The following KAT2B variants were observed in gnomAD, a reference collection of about 807,000 sequenced individuals.
The protein encoded by KAT2B is histone acetyltransferase KAT2B.
Under a neutral mutation model 105.9 loss-of-function variants are expected in KAT2B, and 36 were observed. The ratio of observed to expected loss-of-function variants is 0.34; its 90% CI spans 0.26 to 0.45. The LOEUF is 0.45. Ranked by LOEUF, KAT2B falls within the 20% of genes least tolerant of loss-of-function variation. The pLI is 1.00. For synonymous variants in KAT2B, 397 were observed against 377.9 expected (o/e 1.05, Z -0.59); for missense variants, 820 against 1,021.6 (o/e 0.80, Z 2.69).
rs1231322957 is a variant in KAT2B, at chr3:20,126,061, C to T, written c.1570C>T (p.His524Tyr). 6.2e-7 allele frequency: 1 copy of T among 1,613,660 alleles called. No individual in the cohort carries two copies. Among genetic ancestry groups the T allele is most frequent in the East Asian group, 2.2e-5 (1 of 44,854 alleles). The stretch of plus-strand genomic sequence containing the variant: ...GGTTGGCCTACAGAACGTTTTCTCC[C>T]ACCAGCTGCCCCGAATGCCAAAAGA... ...WLVGLQNVFS[H>Y]QLPRMPKEYI... The change falls in exon 10 of 18, where the codon CAC (histidine) becomes TAC (tyrosine). Residue 524 changes from histidine to tyrosine, a missense_variant. His to Tyr is a moderately conservative substitution (Grantham distance 83). Coordinates refer to ENST00000263754, the MANE Select transcript of KAT2B (RefSeq NM_003884.5).
At chr3:20,098,157 G>A (rs1436587161) in intron 3 of KAT2B, among the ~76,000 whole-genome samples, 2 of 151,722 alleles carry the variant, frequency 1.3e-5, no homozygotes, top group Non-Finnish European at 2.9e-5. Flanking sequence ...TTGAGTCCGG[G>A]ATGCAGAGGT....
intron 1 of KAT2B, among the ~76,000 whole-genome samples, chr3:20,043,187 G>T (rs1697749295): frequency 6.6e-6 from 1 of 152,180 alleles, no homozygotes; most frequent in African/African-American, 2.4e-5. Context: ...TATAGGCATG[G>T]GCCACCATGC....
At position 20,066,457 on chromosome 3, in the gene KAT2B, G is replaced by A. The variant is rs188307148; in HGVS notation, c.304-5876G>A. 3.1e-4 allele frequency among the ~76,000 whole-genome samples: 47 copies of A among 152,216 alleles called. No homozygotes were observed. The East Asian group carries it at 8.5e-3, about 27-fold the overall frequency. On this transcript the variant is annotated intron_variant, in intron 1 of 17. Coordinates refer to ENST00000263754, the MANE Select transcript of KAT2B (RefSeq NM_003884.5). ...CTCTGTCACCTAGCTGGAGTGCAGT[G>A]GTGCCATCTCAGCTTACTGCAACTT...
At position 20,061,750 on chromosome 3, in the gene KAT2B, A is replaced by AC. The variant is rs542014418; in HGVS notation, c.304-10583_304-10582insC. On this transcript the variant is annotated intron_variant, in intron 1 of 17. Transcript: ENST00000263754. ...ATGAAAAAATAATATATATGAAAAA[A>AC]TATATTATACATAAAAATATATAAT... Among the ~76,000 whole-genome samples the AC allele has an allele frequency of 4.1e-5, 6 of 145,084 alleles. No individual in the cohort carries two copies. In the East Asian group the frequency reaches 1.2e-3, roughly 29 times the overall value.
chr3:20,115,966 TA>T (rs1176043784), intron 7 of KAT2B, among the ~76,000 whole-genome samples: 1 of 152,200 alleles, frequency 6.6e-6, no homozygotes, highest in Admixed American at 6.5e-5. Flanking sequence ...AGTTTAGGTG[TA>T]AATATAACTA....
chr3:20,054,755 T>C (rs1481096868), intron 1 of KAT2B, among the ~76,000 whole-genome samples: 1 of 152,210 alleles, frequency 6.6e-6, no homozygotes, highest in Non-Finnish European at 1.5e-5. Context: ...GATGGCAGAA[T>C]GCCAAAGATG....
intron 1 of KAT2B, among the ~76,000 whole-genome samples, chr3:20,062,117 A>ATAAAACATATTATATATTATAT (rs1575110638): frequency 1.0e-5 from 1 of 99,402 alleles, no homozygotes; most frequent in African/African-American, 4.3e-5. Context: ...TATATTATAT[A>ATAAAACATATTATATATTATAT]AAACATATAT....
rs201934698 is a variant in KAT2B at position 20,066,746 on chromosome 3, A to AT, written c.304-5585dup. ...CACACTATTTAACCCACTGCACCGC[A>AT]TTAAAAAAAAAAAATCAGAAAAGCC... is the stretch of plus-strand genomic sequence containing the variant. On this transcript the variant is annotated intron_variant, in intron 1 of 17. Transcript: ENST00000263754. 3.3e-5 allele frequency among the ~76,000 whole-genome samples: 5 copies of AT among 151,628 alleles called. No homozygotes were observed. In the East Asian group the frequency reaches 5.8e-4, roughly 18 times the overall value.
intron 11 of KAT2B, among the ~76,000 whole-genome samples, chr3:20,128,585 G>A (rs1051803786): frequency 4.6e-5 from 7 of 151,994 alleles, no homozygotes; most frequent in Admixed American, 4.6e-4. Flanking sequence ...TATTGGTATT[G>A]CAGTTGGTGT....
chr3:20,115,122 C>A, intron 7 of KAT2B, 134 bp downstream of exon 7: 1 of 614,390 alleles, frequency 1.6e-6, no homozygotes, highest in Non-Finnish European at 2.9e-6. Flanking sequence ...TGGCTATTTT[C>A]AAACCCAATT....
rs928331595 is a variant in KAT2B, at chr3:20,153,101, G to A, written c.*576G>A. ...GCAGTTCTGAAAAATGCAGTTCCAG[G>A]AAAGCAACTGCTTTGGTTCCTAAGG... On this transcript the variant is annotated 3_prime_UTR_variant, in exon 18 of 18. Coordinates refer to ENST00000263754, the MANE Select transcript of KAT2B (RefSeq NM_003884.5). 6.6e-6 allele frequency: 1 copy of A among 152,498 alleles called. No individual in the cohort carries two copies. The highest frequency in any genetic ancestry group is 6.5e-5 in the Admixed American group (1 of 15,270). 9.4% of individuals were successfully genotyped at this position (152,498 alleles called of 1,614,324 possible).
chr3:20,078,993 C>T (rs1435706744), intron 2 of KAT2B, among the ~76,000 whole-genome samples: 1 of 151,138 alleles, frequency 6.6e-6, no homozygotes, highest in Non-Finnish European at 1.5e-5. Flanking sequence ...AAGCAATTCT[C>T]CTGCCTCAGC....
At chr3:20,077,677 TAA>T in intron 2 of KAT2B, among the ~76,000 whole-genome samples, 1 of 152,232 alleles carries the variant, frequency 6.6e-6, no homozygotes, top group Non-Finnish European at 1.5e-5. Context: ...CTGGAAAATT[TAA>T]AAATCACATT....
At chr3:20,065,465 A>T (rs868545686) in intron 1 of KAT2B, among the ~76,000 whole-genome samples, 4 of 152,178 alleles carry the variant, frequency 2.6e-5, no homozygotes, top group Non-Finnish European at 5.9e-5. Flanking sequence ...CCAGGCCTGA[A>T]CATTGGAATG....
chr3:20,065,667 T>A (rs1202938077), intron 1 of KAT2B, among the ~76,000 whole-genome samples: 1 of 152,200 alleles, frequency 6.6e-6, no homozygotes, highest in Non-Finnish European at 1.5e-5. Flanking sequence ...AGGTGTCCCA[T>A]GGAGCATGCA....
intron 1 of KAT2B, among the ~76,000 whole-genome samples, chr3:20,041,594 G>T (rs190353920): frequency 5.5e-4 from 83 of 152,290 alleles, no homozygotes; most frequent in African/African-American, 1.9e-3. Context: ...CTGTGTTCCC[G>T]AGGTGGGAGG....
chr3:20,087,358 ATTT>A (rs1559308179), intron 2 of KAT2B, among the ~76,000 whole-genome samples: 1 of 152,036 alleles, frequency 6.6e-6, no homozygotes, highest in African/African-American at 2.4e-5. Flanking sequence ...AAAATAATTT[ATTT>A]TTTTCGGTTT....
At chr3:20,058,642 A>G (rs953486574) in intron 1 of KAT2B, among the ~76,000 whole-genome samples, 3 of 152,012 alleles carry the variant, frequency 2.0e-5, no homozygotes, top group African/African-American at 7.2e-5. Context: ...TAAAGTTCCC[A>G]TAGTTTAAAA....
intron 1 of KAT2B, among the ~76,000 whole-genome samples, chr3:20,052,736 G>C (rs1430413003): frequency 6.6e-6 from 1 of 152,054 alleles, no homozygotes; most frequent in Admixed American, 6.5e-5. Context: ...AGGAGGCTGA[G>C]GTGGTCACAT....
Sources: allele counts gnomAD v4.1 joint callset (sites outside exome capture counted in the v4.1 genomes callset), GRCh38; gene constraint gnomAD v4.1.1; transcripts MANE v1.5; gene names NCBI Gene and HGNC (gene_info 2026-07-23, HGNC 2026-07-21).